Variants in DOCK2 observed in about 807,000 individuals in gnomAD.
DOCK2 encodes dedicator of cytokinesis 2.
DOCK2 carries 87 observed loss-of-function variants against 248.9 expected under a neutral mutation model. That is an observed-to-expected ratio of 0.35 (90% CI 0.29 to 0.42). The LOEUF (loss-of-function observed/expected upper bound fraction) is 0.42, where lower values mean the gene tolerates loss of function less well. Among genes scored for constraint, DOCK2 ranks in the 10% least tolerant of loss-of-function variants. The pLI is 1.00. For missense variants in DOCK2, 1,747 were observed against 2,300.2 expected (o/e 0.76, Z 4.92); for synonymous variants, 805 against 821.6 (o/e 0.98, Z 0.35).
intron 23 of DOCK2, among the ~76,000 whole-genome samples, chr5:169,754,621 C>T (rs1395437153): frequency 6.6e-6 from 1 of 152,196 alleles, no homozygotes. Context: ...AGCCTTCTCG[C>T]CCCTGCTGAA....
At chr5:169,877,425 A>T (rs1772395850) in intron 27 of DOCK2, among the ~76,000 whole-genome samples, 1 of 152,172 alleles carries the variant, frequency 6.6e-6, no homozygotes. Flanking sequence ...AATTGGAGTG[A>T]AGGGGTTGGA....
intron 28 of DOCK2, 65 bp downstream of exon 28, chr5:169,983,231 C>G: frequency 1.3e-6 from 2 of 1,528,768 alleles, no homozygotes; most frequent in Middle Eastern, 1.7e-4. Context: ...GCTTCTGTCC[C>G]TGTCAGAGAG....
At position 169,926,832 on chromosome 5, in the gene DOCK2, A is replaced by G. The variant is rs371206209; in HGVS notation, c.2800-56236A>G. ...TCAGGCACTGCAGTGGAAACACAGGATGAACTAGACAATGTCCCTCCCTCT... is the reference window on the plus strand; with the variant it reads ...TCAGGCACTGCAGTGGAAACACAGGGTGAACTAGACAATGTCCCTCCCTCT... On this transcript the variant is annotated intron_variant, in intron 27 of 51. Transcript: ENST00000520908. 1.9e-4 allele frequency among the ~76,000 whole-genome samples: 29 copies of G among 152,338 alleles called. No individual in the cohort carries two copies. In the South Asian group the frequency reaches 2.1e-3, roughly 11 times the overall value.
chr5:169,675,679 A>G (rs1232293795), intron 6 of DOCK2, among the ~76,000 whole-genome samples: 3 of 152,238 alleles, frequency 2.0e-5, no homozygotes, highest in East Asian at 1.9e-4. Context: ...AGAGCATGGC[A>G]TACTCAAGGA....
At chr5:169,921,911 C>T (rs546331780) in intron 27 of DOCK2, among the ~76,000 whole-genome samples, 23 of 152,260 alleles carry the variant, frequency 1.5e-4, no homozygotes, top group Admixed American at 8.5e-4. Flanking sequence ...AGCCCCTTGA[C>T]AGTAGAAAGA....
At chr5:169,935,783 G>A (rs1024093972) in intron 27 of DOCK2, among the ~76,000 whole-genome samples, 8 of 152,144 alleles carry the variant, frequency 5.3e-5, no homozygotes, top group Non-Finnish European at 1.2e-4. Flanking sequence ...AAAACGCGTT[G>A]TGTAAAAATA....
In DOCK2 at chr5:169,709,367, C is replaced by T. The variant is rs79747231; in HGVS notation, c.1482+1100C>T. On this transcript the variant is annotated intron_variant, in intron 15 of 51. Transcript: ENST00000520908. ...AGGTCCTTCTCATATGGCATCTCCC[C>T]GCAAAATGTTTTGTGGAATACTAAG... Among the ~76,000 whole-genome samples, 854 of 152,192 alleles carry T rather than the reference C, an allele frequency of 5.6e-3. 12 individuals carry two copies. Among genetic ancestry groups the T allele is most frequent in the African/African-American group, 0.02 (816 of 41,528 alleles).
chr5:169,842,113 A>G (rs1214440209), intron 27 of DOCK2, among the ~76,000 whole-genome samples: 1 of 152,188 alleles, frequency 6.6e-6, no homozygotes, highest in Admixed American at 6.5e-5. Flanking sequence ...AAATTTTCTG[A>G]TATTTCAGTG....
chr5:169,960,785 A>G (rs1777054402), intron 27 of DOCK2, among the ~76,000 whole-genome samples: 2 of 152,222 alleles, frequency 1.3e-5, no homozygotes, highest in Non-Finnish European at 1.5e-5. Flanking sequence ...TAAATAATTC[A>G]TAAGTTTTAA....
At position 169,654,264 on chromosome 5, in the gene DOCK2, A is replaced by C. The variant is rs906813719; in HGVS notation, c.44-139A>C. 11 of 836,686 alleles carry C rather than the reference A, an allele frequency of 1.3e-5. No homozygotes were observed. The East Asian group carries it at 2.9e-4, about 22-fold the overall frequency. 51.8% of individuals were successfully genotyped at this position (836,686 alleles called of 1,614,324 possible). A position where few individuals can be genotyped will look rare whatever the true frequency, so the allele number is the denominator to read the frequency against. On this transcript the variant is annotated intron_variant, in intron 1 of 51. Coordinates refer to ENST00000520908, the MANE Select transcript of DOCK2 (RefSeq NM_004946.3). ...TCTGAAATAACTCTTGTGGCAGGCA[A>C]TAGGTTTCTGTGTTGGTTTTGTTTA...
chr5:169,936,701 G>T (rs946455709), intron 27 of DOCK2, among the ~76,000 whole-genome samples: 4 of 151,624 alleles, frequency 2.6e-5, no homozygotes, highest in African/African-American at 4.9e-5. Context: ...CCTCCTGGGG[G>T]GCGCGCTCCA....
In DOCK2 at chr5:169,712,620, A is replaced by G. The variant is rs151085459; in HGVS notation, c.1659+397A>G. ...GATGCTGCATTGTAGCTAATGGGAA[A>G]ATATTAAAACCTGCAGTCCTGATCC... On this transcript the variant is annotated intron_variant, in intron 17 of 51. Coordinates refer to ENST00000520908, the MANE Select transcript of DOCK2 (RefSeq NM_004946.3). 8.5e-5 allele frequency among the ~76,000 whole-genome samples: 13 copies of G among 152,234 alleles called. No individual in the cohort carries two copies. The East Asian group carries it at 2.5e-3, about 29-fold the overall frequency.
At chr5:169,884,133 A>G in intron 27 of DOCK2, 1 of 377,202 alleles carries the variant, frequency 2.7e-6, no homozygotes, top group Non-Finnish European at 4.7e-6. Context: ...CATTGTAGTC[A>G]TAATTGCTCC....
intron 26 of DOCK2, among the ~76,000 whole-genome samples, chr5:169,823,143 A>T (rs1768585765): frequency 6.6e-6 from 1 of 152,212 alleles, no homozygotes; most frequent in Non-Finnish European, 1.5e-5. Flanking sequence ...TTACCAGCCA[A>T]AAAAAGTCCA....
intron 27 of DOCK2, among the ~76,000 whole-genome samples, chr5:169,876,510 G>C (rs576024087): frequency 6.6e-6 from 1 of 152,310 alleles, no homozygotes; most frequent in African/African-American, 2.4e-5. Context: ...TCCCACTACA[G>C]TCAGGACAGA....
chr5:169,911,460 CCA>C (rs1218244980), intron 27 of DOCK2, among the ~76,000 whole-genome samples: 1 of 152,160 alleles, frequency 6.6e-6, no homozygotes, highest in African/African-American at 2.4e-5. Context: ...CCCTCCATGT[CCA>C]GACTGGGGAT....
At chr5:169,698,824 A>G (rs1226295850) in intron 11 of DOCK2, among the ~76,000 whole-genome samples, 1 of 152,188 alleles carries the variant, frequency 6.6e-6, no homozygotes, top group Admixed American at 6.5e-5. Context: ...TGCAGCAGAA[A>G]CCACGAAGCT....
chr5:169,926,499 A>C (rs1178277009), intron 27 of DOCK2, among the ~76,000 whole-genome samples: 1 of 152,208 alleles, frequency 6.6e-6, no homozygotes, highest in Non-Finnish European at 1.5e-5. Flanking sequence ...TGTTCAAAGA[A>C]AGCTTTGTGA....
At chr5:169,920,446 A>G (rs1022831579) in intron 27 of DOCK2, among the ~76,000 whole-genome samples, 6 of 152,162 alleles carry the variant, frequency 3.9e-5, no homozygotes. Flanking sequence ...CAAAGTTTGT[A>G]AGGTGGTTTT....
Sources: allele counts gnomAD v4.1 joint callset (sites outside exome capture counted in the v4.1 genomes callset), GRCh38; gene constraint gnomAD v4.1.1; transcripts MANE v1.5; gene names NCBI Gene and HGNC (gene_info 2026-07-23, HGNC 2026-07-21).